Variants in TNRC6A observed in about 807,000 individuals in gnomAD.
TNRC6A encodes trinucleotide repeat-containing gene 6A protein.
Under a neutral mutation model 221.2 loss-of-function variants are expected in TNRC6A, and 44 were observed. The observed-to-expected ratio is 0.20, with a 90% CI of 0.16 to 0.26. The LOEUF (loss-of-function observed/expected upper bound fraction) is 0.26. Among genes scored for constraint, TNRC6A ranks in the 10% least tolerant of loss-of-function variants. The pLI, the probability that TNRC6A is intolerant of heterozygous loss-of-function variation, is 1.00. For missense variants in TNRC6A, 2,199 were observed against 2,404.4 expected, an observed-to-expected ratio of 0.91 and a Z score of 1.79; for synonymous variants, 847 against 838.5, an observed-to-expected ratio of 1.01 and a Z score of -0.18.
rs770599191 is a variant in TNRC6A, at chr16:24,786,751, G to A, written c.590-2481G>A. 6.6e-5 allele frequency among the ~76,000 whole-genome samples: 10 copies of A among 151,914 alleles called. No individual in the cohort carries two copies. The East Asian group carries it at 1.4e-3, about 21-fold the overall frequency. On this transcript the variant is annotated intron_variant, in intron 5 of 24. Coordinates refer to ENST00000395799, the MANE Select transcript of TNRC6A (RefSeq NM_014494.4). The stretch of plus-strand genomic sequence containing the variant: ...GGCTGGAGTGCAGTGGCGCCATCTC[G>A]GCTCACGGCAACAGCCTCTGCCTCC...
At chr16:24,822,683 G>C (rs781755830) in intron 23 of TNRC6A, among the ~76,000 whole-genome samples, 191 bp from the exon 24 acceptor site, 5 of 152,168 alleles carry the variant, frequency 3.3e-5, no homozygotes, top group Non-Finnish European at 5.9e-5. Context: ...GAGCGGTATG[G>C]CTCTGGGAGC....
intron 18 of TNRC6A, among the ~76,000 whole-genome samples, chr16:24,814,114 T>G (rs894089202): frequency 6.6e-6 from 1 of 152,108 alleles, no homozygotes; most frequent in African/African-American, 2.4e-5. Context: ...GAGTCAGGGA[T>G]AGGTCAGTGC....
At chr16:24,666,639 GAAA>G (rs1164353374) in intron 2 of TNRC6A, among the ~76,000 whole-genome samples, 1,085 of 30,254 alleles carry the variant, frequency 0.036, 2 homozygotes, top group Middle Eastern at 0.1. Context: ...CTGTCTTAGA[GAAA>G]AAAAAAAAAA....
intron 1 of TNRC6A, among the ~76,000 whole-genome samples, chr16:24,625,239 G>A (rs1900896047): frequency 6.6e-6 from 1 of 152,224 alleles, no homozygotes; most frequent in South Asian, 2.1e-4. Context: ...ACGAGGCTTT[G>A]TTGGCAGGCA....
chr16:24,797,426 C>A, intron 9 of TNRC6A, 64 bp from the exon 10 acceptor site: 1 of 1,210,396 alleles, frequency 8.3e-7, no homozygotes, highest in Non-Finnish European at 1.2e-6. Flanking sequence ...TTTATTAATC[C>A]GTCACTATAC....
chr16:24,672,191 G>T (rs1432371177), intron 2 of TNRC6A, among the ~76,000 whole-genome samples: 1 of 151,994 alleles, frequency 6.6e-6, no homozygotes, highest in African/African-American at 2.4e-5. Context: ...GCGTGATCTC[G>T]GCTCACTGCA....
At position 24,805,355 on chromosome 16, in the gene TNRC6A, T is replaced by A. The variant is rs1187649859; in HGVS notation, c.4122+204T>A. ...ATCCAAAATTTACCATTTTCTTCTT[T>A]AAAACATTCTTGAGAGTAGGACAAA... On this transcript the variant is annotated intron_variant, in intron 14 of 24. Transcript: ENST00000395799. 4 of 971,936 alleles carry A rather than the reference T, an allele frequency of 4.1e-6. No homozygotes were observed. The African/African-American group carries it at 5.0e-5, about 12-fold the overall frequency. The allele number at this position is 971,936 out of a possible 1,614,324, so 60.2% of individuals were successfully genotyped here.
At chr16:24,673,286 A>G (rs2055343767) in intron 2 of TNRC6A, among the ~76,000 whole-genome samples, 1 of 152,212 alleles carries the variant, frequency 6.6e-6, no homozygotes, top group Non-Finnish European at 1.5e-5. Context: ...GTAAGTAGAA[A>G]AGTAAGTAAC....
intron 1 of TNRC6A, among the ~76,000 whole-genome samples, chr16:24,611,602 G>T (rs913077406): frequency 1.3e-5 from 2 of 152,216 alleles, no homozygotes; most frequent in African/African-American, 4.8e-5. Context: ...GAGGCATCTC[G>T]TAGAGCTGGC....
intron 11 of TNRC6A, among the ~76,000 whole-genome samples, chr16:24,801,279 G>C (rs1441130781): frequency 6.6e-6 from 1 of 152,168 alleles, no homozygotes; most frequent in African/African-American, 2.4e-5. Flanking sequence ...TTAGGGGAGT[G>C]ATCCTAAGCA....
In TNRC6A at chr16:24,758,318, G is replaced by T. The variant is rs780298649; in HGVS notation, c.142-21G>T. 12 of 1,598,538 alleles carry T rather than the reference G, an allele frequency of 7.5e-6. No individual in the cohort carries two copies. The East Asian group carries it at 2.5e-4, about 33-fold the overall frequency. On this transcript the variant is annotated intron_variant, in intron 3 of 24. Transcript: ENST00000395799. ...CAGTTTCATATTTACATTGTTTTTT[G>T]TTTGTTTGTTTTTATTTTAGGCCAC...
intron 1 of TNRC6A, among the ~76,000 whole-genome samples, chr16:24,636,041 G>A (rs776026594): frequency 1.2e-4 from 18 of 152,164 alleles, no homozygotes; most frequent in African/African-American, 1.4e-4. Flanking sequence ...GGCACTGATC[G>A]CCTTGGGGAA....
chr16:24,611,012 C>T (rs1044212152), intron 1 of TNRC6A, among the ~76,000 whole-genome samples: 7 of 152,010 alleles, frequency 4.6e-5, no homozygotes, highest in African/African-American at 1.7e-4. Context: ...GGGGTTTCAC[C>T]ATGTTGGCCA....
At chr16:24,783,016 G>A (rs2151795415) in intron 5 of TNRC6A, among the ~76,000 whole-genome samples, 1 of 152,258 alleles carries the variant, frequency 6.6e-6, no homozygotes, top group South Asian at 2.1e-4. Flanking sequence ...AAAATTGAAA[G>A]TCTTTAAGGC....
intron 4 of TNRC6A, among the ~76,000 whole-genome samples, chr16:24,763,988 C>T (rs1377521725): frequency 6.6e-6 from 1 of 152,122 alleles, no homozygotes; most frequent in Admixed American, 6.5e-5. Context: ...GGTAGAAGCA[C>T]CTAAAACCTA....
chr16:24,776,513 A>G (rs1279292363), intron 4 of TNRC6A: 2 of 985,362 alleles, frequency 2.0e-6, no homozygotes, highest in Non-Finnish European at 2.4e-6. Context: ...CAAACACATT[A>G]ACAATGAGGC....
intron 4 of TNRC6A, among the ~76,000 whole-genome samples, chr16:24,774,111 T>C (rs900751766): frequency 3.7e-4 from 56 of 152,218 alleles, no homozygotes; most frequent in African/African-American, 1.3e-3. Flanking sequence ...ATTTTCCTTT[T>C]TCCCCCCTTC....
At chr16:24,655,075 G>A (rs747331876) in intron 2 of TNRC6A, among the ~76,000 whole-genome samples, 11 of 151,686 alleles carry the variant, frequency 7.3e-5, no homozygotes, top group Admixed American at 5.9e-4. Flanking sequence ...GAACCCCATC[G>A]CTACAAAAAA....
At chr16:24,664,048 G>T in intron 2 of TNRC6A, 1 of 429,384 alleles carries the variant, frequency 2.3e-6, no homozygotes. Context: ...TAAGGAGGCT[G>T]GGAGTGGTGG....
Sources: allele counts gnomAD v4.1 joint callset (sites outside exome capture counted in the v4.1 genomes callset), GRCh38; gene constraint gnomAD v4.1.1; transcripts MANE v1.5; gene names NCBI Gene and HGNC (gene_info 2026-07-23, HGNC 2026-07-21).